Variants in KCNK12 observed in about 807,000 individuals in gnomAD.
KCNK12 encodes the protein potassium channel subfamily K member 12.
Under a neutral mutation model 25.3 loss-of-function variants are expected in KCNK12, and 6 were observed. The observed-to-expected ratio is 0.24, with a 90% CI of 0.13 to 0.47. The LOEUF (loss-of-function observed/expected upper bound fraction) is 0.47, where lower values mean the gene tolerates loss of function less well. KCNK12 is among the 20% of genes least tolerant of loss of function. The pLI, the probability that KCNK12 is intolerant of heterozygous loss-of-function variation, is 0.99. For missense variants in KCNK12, 444 were observed against 661.7 expected, an observed-to-expected ratio of 0.67 and a Z score of 3.61; for synonymous variants, 331 against 311.1, an observed-to-expected ratio of 1.06 and a Z score of -0.67.
At chr2:47,553,596 C>T (rs1045884673) in intron 1 of KCNK12, among the ~76,000 whole-genome samples, 2 of 152,132 alleles carry the variant, frequency 1.3e-5, no homozygotes, top group Admixed American at 6.5e-5. Flanking sequence ...TTTAGACTAA[C>T]GAGGTTGCCT....
rs1669870255 is a variant in KCNK12, at chr2:47,570,478, C to T, written c.-147G>A. ...CCGCCTTCGCAGAGCCCCTCGTCGC[C>T]TTCCCAGAGCCCGGACAGAGGGGCG... On this transcript the variant is annotated 5_prime_UTR_variant, in exon 1 of 2. Transcript: ENST00000327876. 1.2e-6 allele frequency: 1 copy of T among 833,928 alleles called. No homozygotes were observed. The highest frequency in any genetic ancestry group is 4.4e-4 in the Middle Eastern group (1 of 2,264). The allele number at this position is 833,928 out of a possible 1,614,324, so 51.7% of individuals were successfully genotyped here.
rs1158690477 is a variant in KCNK12 at position 47,540,209 on chromosome 2, T to A, written c.392-18401A>T. Among the ~76,000 whole-genome samples, 1 of 152,178 alleles carries A rather than the reference T, an allele frequency of 6.6e-6. No individual in the cohort carries two copies. ...GAAGGCCTCACCGGGCAGACCTATC[T>A]TGGAGAAGATACAAGCAATGGTGCT... On this transcript the variant is annotated intron_variant, in intron 1 of 1. Coordinates refer to ENST00000327876, the MANE Select transcript of KCNK12 (RefSeq NM_022055.2). The surrounding 1 kb of genome is among the most constrained non-coding windows in gnomAD (Gnocchi z 5.4).
chr2:47,567,100 T>C (rs1438933191), intron 1 of KCNK12: 1 of 152,154 alleles, frequency 6.6e-6, no homozygotes, highest in Non-Finnish European at 1.5e-5. Context: ...AATACTAAAG[T>C]CTAGATGAAT....
At chr2:47,563,590 G>T (rs1669728988) in intron 1 of KCNK12, 1 of 233,000 alleles carries the variant, frequency 4.3e-6, no homozygotes, top group African/African-American at 2.2e-5. Flanking sequence ...GGCTGGTCTT[G>T]GAGATGCTCT....
chr2:47,524,526 A>G (rs190343464), intron 1 of KCNK12, among the ~76,000 whole-genome samples: 108 of 152,302 alleles, frequency 7.1e-4, no homozygotes, highest in African/African-American at 2.4e-3. Flanking sequence ...TTTTTTAGGG[A>G]TGCATGCATG....
rs151221120 is a variant in KCNK12 at position 47,516,282 on chromosome 2, G to A, written c.*4625C>T. Among the ~76,000 whole-genome samples, 7 of 152,194 alleles carry A rather than the reference G, an allele frequency of 4.6e-5. No homozygotes were observed. Among genetic ancestry groups the A allele is most frequent in the Non-Finnish European group, 1.0e-4 (7 of 68,036 alleles). ...TAGACCAATGAAATCAGACTCCTGG[G>A]AGTACGGCCCGGGCCTCGGGATCCT... On this transcript the variant is annotated 3_prime_UTR_variant, in exon 2 of 2. Coordinates refer to ENST00000327876, the MANE Select transcript of KCNK12 (RefSeq NM_022055.2).
In KCNK12 at chr2:47,528,091, A is replaced by T. The variant is rs1668827686; in HGVS notation, c.392-6283T>A. On this transcript the variant is annotated intron_variant, in intron 1 of 1. Transcript: ENST00000327876. This position sits in a 1 kb window ranked among gnomAD's most constrained non-coding sequence, Gnocchi z 4.5. The stretch of plus-strand genomic sequence containing the variant: ...TTCTTACGGCCCTGGTTCAGCTTGC[A>T]TTCAGCATAACAACTTAGCTAGGGA... Among the ~76,000 whole-genome samples, 1 of 152,190 alleles carries T rather than the reference A, an allele frequency of 6.6e-6. No individual in the cohort carries two copies. Among genetic ancestry groups the T allele is most frequent in the Admixed American group, 6.5e-5 (1 of 15,284 alleles).
rs1281540355 is a variant in KCNK12, at chr2:47,528,227, C to T, written c.392-6419G>A. 6.6e-6 allele frequency: 1 copy of T among 152,310 alleles called. No individual in the cohort carries two copies. The highest frequency in any genetic ancestry group is 6.5e-5 in the Admixed American group (1 of 15,288). The allele number at this position is 152,310 out of a possible 1,614,324, so 9.4% of individuals were successfully genotyped here. A position where few individuals can be genotyped will look rare whatever the true frequency, so the allele number is the denominator to read the frequency against. On this transcript the variant is annotated intron_variant, in intron 1 of 1. Transcript: ENST00000327876. This position sits in a 1 kb window ranked among gnomAD's most constrained non-coding sequence, Gnocchi z 4.5. ...GGTCTCCGACAGCGCACAGGGCAAC[C>T]AGTGAAAGCGTCCTTACTGTCCTGT... is the stretch of plus-strand genomic sequence containing the variant.
At position 47,521,462 on chromosome 2, in the gene KCNK12, C is replaced by A; in HGVS notation, c.738G>T (p.Ser246=). ...TSVEGWDYVD[S]LYFCFVTFST... is the part of the protein sequence containing the mutation. ...TGAAGGTGACGAAGCAGAAGTAGAG[C>A]GAGTCCACGTAGTCCCAGCCCTCCA... The change falls in exon 2 of 2, where the codon TCG becomes TCT. Residue 246 remains serine (S), a synonymous_variant. Coordinates refer to ENST00000327876, the MANE Select transcript of KCNK12 (RefSeq NM_022055.2). 2 of 1,612,386 alleles carry A rather than the reference C, an allele frequency of 1.2e-6. No homozygotes were observed. Among genetic ancestry groups the A allele is most frequent in the Non-Finnish European group, 1.7e-6 (2 of 1,179,344 alleles).
At chr2:47,552,319 G>A (rs1269162956) in intron 1 of KCNK12, among the ~76,000 whole-genome samples, 1 of 152,086 alleles carries the variant, frequency 6.6e-6, no homozygotes, top group Non-Finnish European at 1.5e-5. Flanking sequence ...AGCAGTGAGG[G>A]GAGGGCTGCC....
At chr2:47,523,402 C>A (rs930643492) in intron 1 of KCNK12, among the ~76,000 whole-genome samples, 1 of 152,240 alleles carries the variant, frequency 6.6e-6, no homozygotes, top group Non-Finnish European at 1.5e-5. Context: ...CAAAGAAAGG[C>A]TCTGGCCCAG....
At chr2:47,544,229 C>T (rs975784871) in intron 1 of KCNK12, among the ~76,000 whole-genome samples, 3 of 152,188 alleles carry the variant, frequency 2.0e-5, no homozygotes, top group African/African-American at 7.2e-5. Context: ...CGTGGTGTTT[C>T]GGGGATAAAG....
intron 1 of KCNK12, among the ~76,000 whole-genome samples, chr2:47,559,679 G>C (rs1218192104): frequency 1.3e-5 from 2 of 152,186 alleles, no homozygotes; most frequent in East Asian, 3.9e-4. Context: ...TACCTACTAT[G>C]TGCTGGGCCC....
In KCNK12 at chr2:47,519,368, C is replaced by A. The variant is rs12619323; in HGVS notation, c.*1539G>T. ...GGAGAGAGATTTCACAGCATGGCTC[C>A]AGCTGGAGGCGGTGAGGCGGTGCTT... On this transcript the variant is annotated 3_prime_UTR_variant, in exon 2 of 2. Transcript: ENST00000327876. 1 of 152,062 alleles carries A rather than the reference C, an allele frequency of 6.6e-6. No individual in the cohort carries two copies. Among genetic ancestry groups the A allele is most frequent in the African/African-American group, 2.4e-5 (1 of 41,364 alleles). The allele number at this position is 152,062 out of a possible 1,614,324, so 9.4% of individuals were successfully genotyped here.
At position 47,533,384 on chromosome 2, in the gene KCNK12, G is replaced by A. The variant is rs1270578838; in HGVS notation, c.392-11576C>T. Reference sequence around the variant, plus strand: ...TTCCCACATGCATCCCACAGTGCCCGGGACATAGTAAGCTCCCCAAAAGCA... The same window carrying A: ...TTCCCACATGCATCCCACAGTGCCCAGGACATAGTAAGCTCCCCAAAAGCA... On this transcript the variant is annotated intron_variant, in intron 1 of 1. Transcript: ENST00000327876. This position sits in a 1 kb window ranked among gnomAD's most constrained non-coding sequence, Gnocchi z 4.7. Among the ~76,000 whole-genome samples, 5 of 152,194 alleles carry A rather than the reference G, an allele frequency of 3.3e-5. No homozygotes were observed. The highest frequency in any genetic ancestry group is 2.1e-4 in the South Asian group (1 of 4,834).
chr2:47,536,412 C>T (rs148570850), intron 1 of KCNK12, among the ~76,000 whole-genome samples: 6 of 152,180 alleles, frequency 3.9e-5, no homozygotes, highest in Non-Finnish European at 5.9e-5. Flanking sequence ...GAATGCAGGT[C>T]CTCAGGGAGC....
chr2:47,563,820 C>G (rs1669734296), intron 1 of KCNK12: 2 of 232,812 alleles, frequency 8.6e-6, no homozygotes, highest in African/African-American at 2.2e-5. Flanking sequence ...TGTACCTTTG[C>G]TCCATTCGGC....
Position 47,510,877 on chromosome 2 carries a change from G to C in KCNK12, c.*10030C>G, listed in dbSNP as rs1362827431. On this transcript the variant is annotated 3_prime_UTR_variant, in exon 2 of 2. Transcript: ENST00000327876. Reference sequence around the variant, plus strand: ...GAGAAGTACAGCTGGGTGAAGCACAGAGCAGCCTAGTGCTTGGCATGGGAC... The same window carrying C: ...GAGAAGTACAGCTGGGTGAAGCACACAGCAGCCTAGTGCTTGGCATGGGAC... The C allele has an allele frequency of 6.6e-6, 1 of 152,232 alleles. No homozygotes were observed. The highest frequency in any genetic ancestry group is 1.5e-5 in the Non-Finnish European group (1 of 68,034). 9.4% of individuals were successfully genotyped at this position (152,232 alleles called of 1,614,324 possible).
rs1668986841 is a variant in KCNK12, at chr2:47,533,641, T to C, written c.392-11833A>G. On this transcript the variant is annotated intron_variant, in intron 1 of 1. Transcript: ENST00000327876. The surrounding 1 kb of genome is among the most constrained non-coding windows in gnomAD (Gnocchi z 4.7). ...CTGGCTCACTTCCTGCTTTGGCCCC[T>C]ACGCTGGGTAGGAGGCCCGGCTAGA... Among the ~76,000 whole-genome samples the C allele has an allele frequency of 6.6e-6, 1 of 152,206 alleles. No homozygotes were observed. Among genetic ancestry groups the C allele is most frequent in the Non-Finnish European group, 1.5e-5 (1 of 68,026 alleles).
Sources: gnomAD v4.1 joint callset for allele counts (sites outside exome capture counted in the v4.1 genomes callset) on GRCh38, gnomAD v4.1.1 for gene constraint, Gnocchi (gnomAD v3.1) non-coding constraint, MANE v1.5 for transcripts, NCBI Gene and HGNC (gene_info 2026-07-23, HGNC 2026-07-21) for gene names.